ZFHX4: variants seen among roughly 807,000 people sequenced by gnomAD.
The protein encoded by ZFHX4 is zinc finger homeobox protein 4.
In ZFHX4, 56 loss-of-function variants were observed where a neutral mutation model predicts 267.6. That is an observed-to-expected ratio of 0.21 (90% CI 0.17 to 0.26). The LOEUF (loss-of-function observed/expected upper bound fraction) is 0.26. Ranked by LOEUF, ZFHX4 falls within the 10% of genes least tolerant of loss-of-function variation. The pLI is 1.00. For missense variants in ZFHX4, 4,332 were observed against 4,420.0 expected, an observed-to-expected ratio of 0.98 and a Z score of 0.56; for synonymous variants, 1,778 against 1,665.6, an observed-to-expected ratio of 1.07 and a Z score of -1.64.
At chr8:76,857,160 T>C (rs974101255) in intron 10 of ZFHX4, among the ~76,000 whole-genome samples, 3 of 152,048 alleles carry the variant, frequency 2.0e-5, no homozygotes, top group Admixed American at 6.6e-5. Context: ...AATTATATTA[T>C]GTTAAAGAAA....
chr8:76,727,135 T>A (rs1375895170), intron 3 of ZFHX4, among the ~76,000 whole-genome samples: 1 of 152,158 alleles, frequency 6.6e-6, no homozygotes, highest in African/African-American at 2.4e-5. Flanking sequence ...CAGGTCAGCC[T>A]GTTCGTCTGC....
At chr8:76,844,623 C>G (rs1162153280) in intron 6 of ZFHX4, among the ~76,000 whole-genome samples, 1 of 152,048 alleles carries the variant, frequency 6.6e-6, no homozygotes, top group African/African-American at 2.4e-5. Context: ...TCCTTGGGCA[C>G]CTAATTGTAC....
chr8:76,846,690 A>G (rs747014401), intron 6 of ZFHX4, among the ~76,000 whole-genome samples: 1 of 152,096 alleles, frequency 6.6e-6, no homozygotes, highest in African/African-American at 2.4e-5. Context: ...AGGTTTAGTA[A>G]AATGTTCCAG....
At chr8:76,759,291 C>T (rs1585916292) in intron 3 of ZFHX4, among the ~76,000 whole-genome samples, 1 of 152,122 alleles carries the variant, frequency 6.6e-6, no homozygotes, top group African/African-American at 2.4e-5. Flanking sequence ...TCTATTCCCC[C>T]GTTTGCTATT....
chr8:76,813,533 T>G (rs1811429798), intron 4 of ZFHX4, among the ~76,000 whole-genome samples: 1 of 152,160 alleles, frequency 6.6e-6, no homozygotes, highest in African/African-American at 2.4e-5. Flanking sequence ...TCCTCTTGAG[T>G]TTGGCTTTCA....
At chr8:76,713,070 T>G (rs1008452647) in intron 3 of ZFHX4, among the ~76,000 whole-genome samples, 20 of 152,214 alleles carry the variant, frequency 1.3e-4, no homozygotes, top group Non-Finnish European at 1.5e-4. Flanking sequence ...GCCAGCCCTA[T>G]CAACTATGTC....
At chr8:76,842,198 T>A (rs1051791687) in intron 5 of ZFHX4, among the ~76,000 whole-genome samples, 1 of 152,152 alleles carries the variant, frequency 6.6e-6, no homozygotes, top group African/African-American at 2.4e-5. Context: ...GGGTCTGGGG[T>A]CTGAAAGCTG....
chr8:76,835,892 C>T (rs1275978874), intron 5 of ZFHX4, among the ~76,000 whole-genome samples: 18 of 152,078 alleles, frequency 1.2e-4, no homozygotes. Context: ...TAGATATTCC[C>T]ATACCTTCTG....
At chr8:76,702,583 G>A (rs983185236) in intron 1 of ZFHX4, among the ~76,000 whole-genome samples, 1 of 152,206 alleles carries the variant, frequency 6.6e-6, no homozygotes, top group East Asian at 1.9e-4. Flanking sequence ...TGTGTAATAA[G>A]GTATAGGGAT....
intron 5 of ZFHX4, among the ~76,000 whole-genome samples, chr8:76,836,846 A>T (rs763491901): frequency 1.3e-5 from 2 of 152,178 alleles, no homozygotes; most frequent in Non-Finnish European, 2.9e-5. Flanking sequence ...AGGTACTGGC[A>T]GGGAAAATGT....
Position 76,866,996 on chromosome 8 carries a change from G to A in ZFHX4, c.*2431G>A, listed in dbSNP as rs1813051674. ...AATGCACCCTGAGGTTTTAATAAAA[G>A]CCCCTATGGCTATAACTTTAAATAA... On this transcript the variant is annotated 3_prime_UTR_variant, in exon 11 of 11. Coordinates refer to ENST00000651372, the MANE Select transcript of ZFHX4 (RefSeq NM_024721.5). 6.6e-6 allele frequency: 1 copy of A among 152,466 alleles called. No homozygotes were observed. The highest frequency in any genetic ancestry group is 6.6e-5 in the Admixed American group (1 of 15,240). The allele number at this position is 152,466 out of a possible 1,614,324, so 9.4% of individuals were successfully genotyped here. A position where few individuals can be genotyped will look rare whatever the true frequency, so the allele number is the denominator to read the frequency against.
rs1321969262 is a variant in ZFHX4 at position 76,727,596 on chromosome 8, A to G, written c.3093+19548A>G. On this transcript the variant is annotated intron_variant, in intron 3 of 10. Transcript: ENST00000651372. ...TAGAGCCTGCAGGAATACATATTTC[A>G]GAAACCAGCTAAAACAACTTTTGGA... is the stretch of plus-strand genomic sequence containing the variant. 2.6e-5 allele frequency among the ~76,000 whole-genome samples: 4 copies of G among 152,320 alleles called. No homozygotes were observed. The East Asian group carries it at 5.8e-4, about 22-fold the overall frequency.
chr8:76,759,480 T>A (rs1184217293), intron 3 of ZFHX4, among the ~76,000 whole-genome samples: 1 of 152,184 alleles, frequency 6.6e-6, no homozygotes, highest in Non-Finnish European at 1.5e-5. Flanking sequence ...GATGAACCAT[T>A]AAATAAAATG....
chr8:76,717,355 G>C (rs576473289), intron 3 of ZFHX4, among the ~76,000 whole-genome samples: 8 of 152,098 alleles, frequency 5.3e-5, no homozygotes, highest in African/African-American at 1.9e-4. Context: ...AGTCTTGATA[G>C]AACTACTTGT....
intron 3 of ZFHX4, among the ~76,000 whole-genome samples, chr8:76,761,149 A>G (rs964043864): frequency 6.6e-6 from 1 of 152,174 alleles, no homozygotes; most frequent in African/African-American, 2.4e-5. Flanking sequence ...CATTAGACCT[A>G]TAACCAAACA....
chr8:76,763,243 C>G (rs969963079), intron 3 of ZFHX4, among the ~76,000 whole-genome samples: 3 of 83,230 alleles, frequency 3.6e-5, no homozygotes, highest in Non-Finnish European at 6.3e-5. Context: ...TCTGATAGCT[C>G]CAGGTTTCCA....
chr8:76,709,826 TGTGTGTAA>T (rs1335920239), intron 3 of ZFHX4, among the ~76,000 whole-genome samples: 8 of 151,612 alleles, frequency 5.3e-5, no homozygotes, highest in African/African-American at 1.7e-4. Context: ...TGTGTGTGTG[TGTGTGTAA>T]GTTTATCCAT....
chr8:76,681,308 T>G lies in ZFHX4; in HGVS notation c.-359T>G. On this transcript the variant is annotated 5_prime_UTR_variant, in exon 1 of 11. Transcript: ENST00000651372. ...TTTTTAAACAGGGCTAAAACGATAA[T>G]AATTAGCAGAATAAAGACATATCGG... 2.5e-6 allele frequency: 1 copy of G among 398,462 alleles called. No homozygotes were observed. The highest frequency in any genetic ancestry group is 4.4e-6 in the Non-Finnish European group (1 of 225,822). The allele number at this position is 398,462 out of a possible 1,614,324, so 24.7% of individuals were successfully genotyped here.
chr8:76,710,348 T>G (rs1036144394), intron 3 of ZFHX4, among the ~76,000 whole-genome samples: 2 of 152,192 alleles, frequency 1.3e-5, no homozygotes, highest in African/African-American at 4.8e-5. Context: ...TAAACTGATT[T>G]CAGAAACTGT....
Sources: gnomAD v4.1 joint callset for allele counts (sites outside exome capture counted in the v4.1 genomes callset) on GRCh38, gnomAD v4.1.1 for gene constraint, MANE v1.5 for transcripts, NCBI Gene and HGNC (gene_info 2026-07-23, HGNC 2026-07-21) for gene names.